Variants in TASP1 observed in about 807,000 individuals in gnomAD.
TASP1 encodes taspase 1.
Under a neutral mutation model 56.6 loss-of-function variants are expected in TASP1, and 16 were observed. The ratio of observed to expected loss-of-function variants is 0.28; its 90% CI spans 0.19 to 0.43. The LOEUF is 0.43. TASP1 is among the 20% of genes least tolerant of loss of function. TASP1 has a pLI of 1.00. For missense variants in TASP1, 393 were observed against 511.6 expected (o/e 0.77, Z 2.24); for synonymous variants, 179 against 184.2 (o/e 0.97, Z 0.23).
At chr20:13,608,878 T>C (rs569194021) in intron 4 of TASP1, among the ~76,000 whole-genome samples, 37 of 152,250 alleles carry the variant, frequency 2.4e-4, no homozygotes, top group African/African-American at 8.2e-4. Flanking sequence ...TTAAATACAT[T>C]AGATAACATG....
chr20:13,517,137 A>ATATT (rs1453362243), intron 10 of TASP1, among the ~76,000 whole-genome samples: 1 of 152,178 alleles, frequency 6.6e-6, no homozygotes, highest in East Asian at 1.9e-4. Context: ...GTGCTAATAT[A>ATATT]AGCCTTTTGC....
In TASP1 at chr20:13,393,506, G is replaced by A. The variant is rs971899070; in HGVS notation, c.1171-3054C>T. 52 of 786,436 alleles carry A rather than the reference G, an allele frequency of 6.6e-5. No individual in the cohort carries two copies. In the Middle Eastern group the frequency reaches 1.4e-3, roughly 22 times the overall value. 48.7% of individuals were successfully genotyped at this position (786,436 alleles called of 1,614,324 possible). A position where few individuals can be genotyped will look rare whatever the true frequency, so the allele number is the denominator to read the frequency against. On this transcript the variant is annotated intron_variant, in intron 13 of 13. Coordinates refer to ENST00000337743, the MANE Select transcript of TASP1 (RefSeq NM_017714.3). ...TCAAGGGCATCCTGGACTACACTGA[G>A]CACCAGATTGTCTCCTCCAACAGTG...
rs189600086 is a variant in TASP1, at chr20:13,635,992, A to C, written c.-75+2902T>G. The stretch of plus-strand genomic sequence containing the variant: ...ACCACGTCCTGTTGCTGTGGTGTTA[A>C]AGTTTTTCACCGTAGGTTTGCTTAT... On this transcript the variant is annotated intron_variant, in intron 1 of 13. Transcript: ENST00000337743. 1.2e-3 allele frequency among the ~76,000 whole-genome samples: 181 copies of C among 152,258 alleles called. 1 individual carries two copies. The highest frequency in any genetic ancestry group is 4.0e-3 in the African/African-American group (168 of 41,540).
the TASP1 span, among the ~76,000 whole-genome samples, chr20:13,361,950 T>A: frequency 2.4e-3 from 363 of 151,774 alleles, 1 homozygote; most frequent in East Asian, 7.6e-3. Flanking sequence ...TCCTTCTGTT[T>A]TTCCATTTAG....
chr20:13,194,892 G>C, the TASP1 span, among the ~76,000 whole-genome samples: 1 of 152,060 alleles, frequency 6.6e-6, no homozygotes, highest in Non-Finnish European at 1.5e-5. Context: ...GCTCATCCCT[G>C]TAACCAGTGA....
At chr20:13,564,286 A>G (rs968632219) in intron 7 of TASP1, among the ~76,000 whole-genome samples, 3 of 148,886 alleles carry the variant, frequency 2.0e-5, no homozygotes, top group African/African-American at 7.3e-5. Context: ...ATTTCTATAA[A>G]TTAACAATGA....
At chr20:13,295,265 G>A in the TASP1 span, among the ~76,000 whole-genome samples, 3 of 152,038 alleles carry the variant, frequency 2.0e-5, no homozygotes, top group Non-Finnish European at 4.4e-5. Context: ...CATCATTATC[G>A]GCTCTGAATT....
chr20:13,152,596 T>C, the TASP1 span, among the ~76,000 whole-genome samples: 186 of 152,324 alleles, frequency 1.2e-3, no homozygotes, highest in Non-Finnish European at 2.0e-3. Flanking sequence ...AATTATCCCA[T>C]GCTTAGACTT....
At chr20:13,136,217 G>A in the TASP1 span, among the ~76,000 whole-genome samples, 2 of 152,056 alleles carry the variant, frequency 1.3e-5, no homozygotes, top group Non-Finnish European at 2.9e-5. Flanking sequence ...TGGAAGAAAA[G>A]GAAGGAGAAA....
chr20:13,461,535 A>G (rs181720478), intron 11 of TASP1, among the ~76,000 whole-genome samples: 6 of 152,292 alleles, frequency 3.9e-5, no homozygotes, highest in African/African-American at 1.4e-4. Flanking sequence ...GGAATTGGCA[A>G]GCTTTTTCCA....
At chr20:13,435,292 CATT>C in intron 11 of TASP1, 138 bp from the exon 12 acceptor site, 1 of 658,510 alleles carries the variant, frequency 1.5e-6, no homozygotes. Flanking sequence ...GTTCATACCT[CATT>C]ATATACTTGA....
At position 13,544,494 on chromosome 20, in the gene TASP1, T is replaced by G. The variant is rs957379417; in HGVS notation, c.676-10353A>C. Reference sequence around the variant, plus strand: ...AAGATCATTTGGTAGTTTTACTTCATAGAGGCATGTGTATCATAGTATTAA... The same window carrying G: ...AAGATCATTTGGTAGTTTTACTTCAGAGAGGCATGTGTATCATAGTATTAA... On this transcript the variant is annotated intron_variant, in intron 8 of 13. Coordinates refer to ENST00000337743, the MANE Select transcript of TASP1 (RefSeq NM_017714.3). Among the ~76,000 whole-genome samples, 7 of 152,144 alleles carry G rather than the reference T, an allele frequency of 4.6e-5. 1 individual carries two copies. The highest frequency in any genetic ancestry group is 7.4e-5 in the Non-Finnish European group (5 of 68,022).
intron 6 of TASP1, among the ~76,000 whole-genome samples, chr20:13,573,878 C>T (rs2147162478): frequency 6.6e-6 from 1 of 152,284 alleles, no homozygotes; most frequent in Admixed American, 6.5e-5. Context: ...TTCATTACTG[C>T]CTAGAGAGTT....
At chr20:13,623,330 T>A (rs1420490728) in intron 4 of TASP1, 116 bp downstream of exon 4, 1 of 732,446 alleles carries the variant, frequency 1.4e-6, no homozygotes, top group Non-Finnish European at 2.2e-6. Context: ...TTGCTAATAT[T>A]GGTGGGAAAC....
At chr20:13,240,625 T>C in the TASP1 span, among the ~76,000 whole-genome samples, 43 of 152,222 alleles carry the variant, frequency 2.8e-4, no homozygotes, top group Non-Finnish European at 5.6e-4. Context: ...TGTTCTAGGA[T>C]TGGTGAGGAA....
the TASP1 span, among the ~76,000 whole-genome samples, chr20:13,311,236 AGATAGAT>A: frequency 9.5e-6 from 1 of 105,148 alleles, no homozygotes; most frequent in African/African-American, 3.5e-5. Context: ...ATAGATAGAT[AGATAGAT>A]GATAGATAGA....
At chr20:13,298,520 G>A in the TASP1 span, among the ~76,000 whole-genome samples, 1 of 152,104 alleles carries the variant, frequency 6.6e-6, no homozygotes, top group Admixed American at 6.6e-5. Context: ...CTTTTTTGTA[G>A]ATGCTTACTA....
intron 11 of TASP1, among the ~76,000 whole-genome samples, chr20:13,448,089 G>C (rs545606697): frequency 1.3e-5 from 2 of 152,060 alleles, no homozygotes; most frequent in South Asian, 4.2e-4. Flanking sequence ...TTTTCTATTT[G>C]TGCTTTTACA....
chr20:13,522,402 G>A (rs1348247961), intron 10 of TASP1, among the ~76,000 whole-genome samples: 3 of 152,130 alleles, frequency 2.0e-5, no homozygotes, highest in South Asian at 2.1e-4. Context: ...GGCCATTAAC[G>A]TGCTGAGAAG....
Sources: gnomAD v4.1 joint callset for allele counts (sites outside exome capture counted in the v4.1 genomes callset) on GRCh38, gnomAD v4.1.1 for gene constraint, MANE v1.5 for transcripts, NCBI Gene and HGNC (gene_info 2026-07-23, HGNC 2026-07-21) for gene names.